Variants in ERBB4 observed in about 807,000 individuals in gnomAD.
ERBB4 encodes receptor tyrosine-protein kinase erbB-4.
A neutral mutation model predicts 158.0 loss-of-function variants in ERBB4; 42 were observed. The observed-to-expected ratio is 0.27, with a 90% CI of 0.21 to 0.34. ERBB4 has a LOEUF of 0.34. ERBB4 is among the 10% of genes least tolerant of loss of function. The probability of loss-of-function intolerance (pLI) is 1.00; values close to 1 mark genes in which losing one functional copy is unlikely to be tolerated. For missense variants in ERBB4, 1,333 were observed against 1,624.1 expected (o/e 0.82, Z 3.08); for synonymous variants, 583 against 558.7 (o/e 1.04, Z -0.61).
chr2:212,085,141 C>A (rs1205701867), intron 2 of ERBB4, among the ~76,000 whole-genome samples: 2 of 151,848 alleles, frequency 1.3e-5, no homozygotes, highest in African/African-American at 4.8e-5. Flanking sequence ...AATGTGCATG[C>A]CCTCTTGGTG....
intron 19 of ERBB4, among the ~76,000 whole-genome samples, chr2:211,574,924 T>C (rs1462322539): frequency 2.0e-5 from 3 of 152,318 alleles, no homozygotes; most frequent in East Asian, 3.9e-4. Flanking sequence ...TGCTACTTCT[T>C]GTTGAATTAT....
chr2:211,960,187 A>G (rs1273201125), intron 2 of ERBB4, among the ~76,000 whole-genome samples: 1 of 152,116 alleles, frequency 6.6e-6, no homozygotes, highest in Non-Finnish European at 1.5e-5. Flanking sequence ...ATGGGACAAG[A>G]AATAGATAAG....
intron 3 of ERBB4, among the ~76,000 whole-genome samples, chr2:211,831,078 C>A (rs963649324): frequency 2.0e-5 from 3 of 151,936 alleles, no homozygotes; most frequent in Non-Finnish European, 4.4e-5. Flanking sequence ...AGAAAAACAG[C>A]AAACATTATT....
chr2:211,933,230 G>A (rs1007424565), intron 3 of ERBB4, among the ~76,000 whole-genome samples: 1 of 152,024 alleles, frequency 6.6e-6, no homozygotes, highest in African/African-American at 2.4e-5. Flanking sequence ...TTCTAAGTAC[G>A]TGAAATGACA....
At chr2:211,405,287 C>T (rs2063124827) in intron 25 of ERBB4, among the ~76,000 whole-genome samples, 1 of 152,122 alleles carries the variant, frequency 6.6e-6, no homozygotes, top group Admixed American at 6.6e-5. Flanking sequence ...ATTCGAATGT[C>T]TTCCGTTCGT....
intron 1 of ERBB4, among the ~76,000 whole-genome samples, chr2:212,492,751 C>T (rs947082883): frequency 6.6e-6 from 1 of 151,330 alleles, no homozygotes; most frequent in African/African-American, 2.4e-5. Context: ...TCTGAATAAG[C>T]CATTTAATTT....
chr2:212,276,956 G>C (rs575233333), intron 1 of ERBB4, among the ~76,000 whole-genome samples: 2 of 151,704 alleles, frequency 1.3e-5, no homozygotes, highest in Admixed American at 6.6e-5. Context: ...ACGGTGAACC[G>C]GCAACCTTAG....
intron 4 of ERBB4, among the ~76,000 whole-genome samples, chr2:211,761,063 C>T (rs537914829): frequency 1.8e-4 from 28 of 151,896 alleles, no homozygotes; most frequent in East Asian, 5.8e-4. Context: ...GGCGTGGTGG[C>T]GCGTGCCTGT....
chr2:211,579,297 A>T (rs981110796), intron 19 of ERBB4, among the ~76,000 whole-genome samples: 1 of 152,158 alleles, frequency 6.6e-6, no homozygotes, highest in South Asian at 2.1e-4. Context: ...GTCAAGAAAC[A>T]ATGGATGCTG....
chr2:212,505,747 T>C (rs1371323883), intron 1 of ERBB4, among the ~76,000 whole-genome samples: 1 of 148,892 alleles, frequency 6.7e-6, no homozygotes, highest in African/African-American at 2.4e-5. Flanking sequence ...GAAAAATTCA[T>C]ACAAGCATGC....
intron 1 of ERBB4, among the ~76,000 whole-genome samples, chr2:212,460,737 C>T (rs1285317682): frequency 2.0e-5 from 3 of 152,076 alleles, no homozygotes; most frequent in Non-Finnish European, 4.4e-5. Context: ...CTGGACAATG[C>T]CATAGAAAAG....
intron 12 of ERBB4, among the ~76,000 whole-genome samples, chr2:211,689,678 T>G (rs980366041): frequency 6.6e-6 from 1 of 152,182 alleles, no homozygotes; most frequent in African/African-American, 2.4e-5. Flanking sequence ...CAAAGATCAA[T>G]TATATTTATG....
At chr2:211,837,422 G>C (rs906491027) in intron 3 of ERBB4, among the ~76,000 whole-genome samples, 8 of 152,104 alleles carry the variant, frequency 5.3e-5, no homozygotes, top group Non-Finnish European at 2.9e-5. Context: ...GAAAGCATGA[G>C]AGGCTTAATC....
intron 2 of ERBB4, among the ~76,000 whole-genome samples, chr2:212,000,562 G>C (rs921881590): frequency 3.3e-5 from 5 of 151,728 alleles, no homozygotes; most frequent in African/African-American, 1.2e-4. Flanking sequence ...CGTTAGAATT[G>C]AAACTAATTA....
chr2:211,920,622 T>C (rs942997963), intron 3 of ERBB4, among the ~76,000 whole-genome samples: 3 of 151,956 alleles, frequency 2.0e-5, no homozygotes, highest in African/African-American at 7.2e-5. Flanking sequence ...ACTCCCCATC[T>C]GTATGTGGTA....
rs2068724439 is a variant in ERBB4 at position 211,599,178 on chromosome 2, A to T, written c.2301+19999T>A. Among the ~76,000 whole-genome samples, 3 of 152,162 alleles carry T rather than the reference A, an allele frequency of 2.0e-5. No individual in the cohort carries two copies. The South Asian group carries it at 6.2e-4, about 32-fold the overall frequency. ...AGAGTTATAATATTAGCATAATAAC[A>T]CTGAGCTTTAAGAAAAGTCTTTAAG... On this transcript the variant is annotated intron_variant, in intron 19 of 27. Coordinates refer to ENST00000342788, the MANE Select transcript of ERBB4 (RefSeq NM_005235.3).
chr2:212,198,733 C>CTTTTTTTTT (rs11448093), intron 1 of ERBB4, among the ~76,000 whole-genome samples: 2 of 96,430 alleles, frequency 2.1e-5, no homozygotes, highest in Admixed American at 1.2e-4. Flanking sequence ...TCACCACGCC[C>CTTTTTTTTT]TTTTTTTTTT....
chr2:212,013,813 T>G (rs189132163), intron 2 of ERBB4, among the ~76,000 whole-genome samples: 5 of 152,312 alleles, frequency 3.3e-5, no homozygotes, highest in Admixed American at 6.5e-5. Flanking sequence ...TGCACCATCA[T>G]GCCCAGAAAT....
Position 211,750,631 on chromosome 2 carries a change from A to C in ERBB4, c.622+8T>G. 6.2e-7 allele frequency: 1 copy of C among 1,612,894 alleles called. No homozygotes were observed. The highest frequency in any genetic ancestry group is 1.1e-5 in the South Asian group (1 of 91,048). On this transcript the variant is annotated splice_region_variant and intron_variant, in intron 5 of 27. Transcript: ENST00000342788. ...CAAACCTGTGTGCTCTCACTGATGA[A>C]CACTTACAAGTCTGGCAATGATTTT... is the stretch of plus-strand genomic sequence containing the variant.
Sources: allele counts gnomAD v4.1 joint callset (sites outside exome capture counted in the v4.1 genomes callset), GRCh38; gene constraint gnomAD v4.1.1; transcripts MANE v1.5; gene names NCBI Gene and HGNC (gene_info 2026-07-23, HGNC 2026-07-21).